TRPM1: variants seen among roughly 807,000 people sequenced by gnomAD.
The protein encoded by TRPM1 is TRPM1-203 APA Isoform, Intron 10.
TRPM1 carries 113 observed loss-of-function variants against 149.4 expected under a neutral mutation model. The observed-to-expected ratio is 0.76, with a 90% CI of 0.65 to 0.88. The LOEUF (loss-of-function observed/expected upper bound fraction) is 0.88. Among genes scored for constraint, TRPM1 ranks in the 40% least tolerant of loss-of-function variants. The pLI is 0.00. For synonymous variants in TRPM1, 741 were observed against 759.5 expected, an observed-to-expected ratio of 0.98 and a Z score of 0.40; for missense variants, 1,976 against 2,038.7, an observed-to-expected ratio of 0.97 and a Z score of 0.59.
At chr15:31,113,208 C>T (rs973178728) in intron 1 of TRPM1, among the ~76,000 whole-genome samples, 1 of 152,134 alleles carries the variant, frequency 6.6e-6, no homozygotes, top group Non-Finnish European at 1.5e-5. Flanking sequence ...AATGGTAACT[C>T]ACAGGAGTGA....
intron 27 of TRPM1, among the ~76,000 whole-genome samples, chr15:31,011,102 T>C (rs1344696729): frequency 2.0e-5 from 3 of 152,188 alleles, no homozygotes; most frequent in Non-Finnish European, 4.4e-5. Flanking sequence ...ACTCCAACTA[T>C]TTTTTTATTA....
chr15:31,002,310 A>T lies in TRPM1; in HGVS notation c.4390T>A (p.Tyr1464Asn). ...CCGACCAGCTTTCTTCCCCGGGAAT[A>T]GACGAAGCTTCTGGACTTCATTGTT... ...CKTMKSRSFV[Y>N]SRGRKLVGGV... Residue 1464 changes from tyrosine to asparagine, a missense_variant, in exon 28 of 28, where the codon TAT becomes AAT. Tyr to Asn is a moderately radical substitution (Grantham distance 143, BLOSUM62 -2). Coordinates refer to ENST00000256552, the MANE Select transcript of TRPM1 (RefSeq NM_001252024.2). 6.2e-7 allele frequency: 1 copy of T among 1,614,238 alleles called. No individual in the cohort carries two copies. The highest frequency in any genetic ancestry group is 8.5e-7 in the Non-Finnish European group (1 of 1,180,046).
rs1205403515 is a variant in TRPM1, at chr15:31,028,394, G to A, written c.3231C>T (p.Leu1077=). 1.9e-6 allele frequency: 3 copies of A among 1,614,058 alleles called. No homozygotes were observed. Among genetic ancestry groups the A allele is most frequent in the Admixed American group, 3.3e-5 (2 of 59,996 alleles). ...CIPGAWLTPA[L]MACYLLVANI... is the part of the protein sequence containing the mutation. ...TGGCGACCAGTAGATAGCACGCCAT[G>A]AGTGCTGGAGTGAGCCAGGCGCCGG... The change falls in exon 25 of 28, where the codon CTC becomes CTT. Residue 1077 remains leucine, a synonymous_variant. Coordinates refer to ENST00000256552, the MANE Select transcript of TRPM1 (RefSeq NM_001252024.2).
At chr15:31,137,048 C>A (rs1393515276) in intron 1 of TRPM1, among the ~76,000 whole-genome samples, 1 of 152,186 alleles carries the variant, frequency 6.6e-6, no homozygotes, top group Admixed American at 6.5e-5. Flanking sequence ...GTTCTGCTCT[C>A]TTTTGCATTA....
rs373868912 is a variant in TRPM1 at position 31,026,292 on chromosome 15, C to T, written c.3497-21G>A. ...GAGCTCTGTGTGAAGGGAGAAGTGT[C>T]GGCCACGTGAAAAACAAGAAGAATC... On this transcript the variant is annotated intron_variant, in intron 26 of 27. Transcript: ENST00000256552. The T allele has an allele frequency of 3.7e-5, 60 of 1,607,448 alleles. No homozygotes were observed. In the African/African-American group the frequency reaches 6.7e-4, roughly 18 times the overall value.
In TRPM1 at chr15:31,099,076, T is replaced by C. The variant is rs139443330; in HGVS notation, c.-84+2581A>G. 2.9e-3 allele frequency among the ~76,000 whole-genome samples: 443 copies of C among 152,318 alleles called. 2 individuals carry two copies. The highest frequency in any genetic ancestry group is 0.01 in the African/African-American group (417 of 41,566). ...TACAAGAGGCTGGGAAAATTGCTCCTGGCGCGATGGGCATCTGAGGTAACA... is the reference window on the plus strand; with the variant it reads ...TACAAGAGGCTGGGAAAATTGCTCCCGGCGCGATGGGCATCTGAGGTAACA... On this transcript the variant is annotated intron_variant, in intron 1 of 27. Coordinates refer to ENST00000256552, the MANE Select transcript of TRPM1 (RefSeq NM_001252024.2).
chr15:31,113,869 G>A lies in TRPM1; in HGVS notation c.55-36885C>T, dbSNP rs960940059. 2.4e-4 allele frequency among the ~76,000 whole-genome samples: 37 copies of A among 152,226 alleles called. 1 individual carries two copies. Among genetic ancestry groups the A allele is most frequent in the East Asian group, 1.9e-4 (1 of 5,174 alleles). ...CAACGACGCTCCCACACGCTGGAAG[G>A]GTACCGAGCAAATTGACTTTGCTGG... is the stretch of plus-strand genomic sequence containing the variant. On this transcript the variant is annotated intron_variant, in intron 1 of 26. Coordinates refer to the TRPM1 transcript ENST00000542188.
At chr15:31,109,623 C>A (rs1322256827) in intron 1 of TRPM1, among the ~76,000 whole-genome samples, 11 of 150,654 alleles carry the variant, frequency 7.3e-5, no homozygotes, top group South Asian at 2.1e-4. Flanking sequence ...TCTCTTGAAC[C>A]TGGGAGGCAA....
chr15:31,025,905 G>A (rs2032715928), intron 27 of TRPM1, among the ~76,000 whole-genome samples: 1 of 152,218 alleles, frequency 6.6e-6, no homozygotes, highest in Non-Finnish European at 1.5e-5. Flanking sequence ...TCAACTGTTA[G>A]GTTTTCTTTC....
Position 31,067,979 on chromosome 15 carries a change from G to T in TRPM1, c.393C>A (p.Asn131Lys), listed in dbSNP as rs1386257022. The change falls in exon 5 of 28, where the codon AAC becomes AAA. Residue 131 changes from asparagine to lysine, a missense_variant. By Grantham distance (94) the Asn-to-Lys change is moderately conservative (BLOSUM62 0). Coordinates refer to ENST00000256552, the MANE Select transcript of TRPM1 (RefSeq NM_001252024.2). ...GTTTCAGCTTGGGCTGCATCTCAAA[G>T]TTCTGGAGGCCTCCATGCACAGATA... ...LLISVHGGLQNFEMQPKLKQV... is the reference protein window; with the variant it reads ...LLISVHGGLQKFEMQPKLKQV... 1 of 1,614,104 alleles carries T rather than the reference G, an allele frequency of 6.2e-7. No homozygotes were observed. Among genetic ancestry groups the T allele is most frequent in the African/African-American group, 1.3e-5 (1 of 74,932 alleles).
At chr15:31,121,994 A>G (rs538225674) in intron 1 of TRPM1, among the ~76,000 whole-genome samples, 1 of 152,326 alleles carries the variant, frequency 6.6e-6, no homozygotes, top group East Asian at 1.9e-4. Flanking sequence ...ACCATGACCA[A>G]ATTAGATTTA....
chr15:31,053,641 T>G (rs8041204), intron 11 of TRPM1, among the ~76,000 whole-genome samples: 92,718 of 152,036 alleles, frequency 0.61, 30,419 homozygotes, highest in East Asian at 0.95. Flanking sequence ...CTGTGCACTG[T>G]GGGTGGAAAT....
chr15:31,124,307 A>AATAT, intron 1 of TRPM1, among the ~76,000 whole-genome samples: 1 of 152,132 alleles, frequency 6.6e-6, no homozygotes, highest in East Asian at 1.9e-4. Flanking sequence ...TAAATAAATA[A>AATAT]GCCATCAGGC....
chr15:31,126,799 A>G (rs1409511859), intron 1 of TRPM1, among the ~76,000 whole-genome samples: 2 of 152,148 alleles, frequency 1.3e-5, no homozygotes, highest in Non-Finnish European at 2.9e-5. Context: ...CCCCGTCTCT[A>G]CTAAAGGAAA....
chr15:31,081,412 G>A lies in TRPM1; in HGVS notation c.-57C>T, dbSNP rs1316110881. 25 of 1,534,854 alleles carry A rather than the reference G, an allele frequency of 1.6e-5. No individual in the cohort carries two copies. The South Asian group carries it at 2.5e-4, about 15-fold the overall frequency. On this transcript the variant is annotated 5_prime_UTR_variant, in exon 2 of 28. Coordinates refer to ENST00000256552, the MANE Select transcript of TRPM1 (RefSeq NM_001252024.2). ...CCTCAGTCCAGCACTGCAAGTTACT[G>A]CTGAGTCCTCAGAAATCTTCTAGAA...
At chr15:31,021,923 A>G (rs990645774) in intron 27 of TRPM1, among the ~76,000 whole-genome samples, 2 of 152,200 alleles carry the variant, frequency 1.3e-5, no homozygotes, top group African/African-American at 4.8e-5. Context: ...AATAAAATGT[A>G]TGTAAATGGA....
At chr15:31,023,034 A>G (rs529666590) in intron 27 of TRPM1, among the ~76,000 whole-genome samples, 17 of 152,184 alleles carry the variant, frequency 1.1e-4, no homozygotes, top group Non-Finnish European at 1.9e-4. Context: ...ACAAAAACAA[A>G]AACAGAAACA....
chr15:31,033,118 G>C (rs954903788), intron 21 of TRPM1, 178 bp from the exon 22 acceptor site: 8 of 796,314 alleles, frequency 1.0e-5, no homozygotes, highest in Non-Finnish European at 1.6e-5. Flanking sequence ...GAAATTCCAC[G>C]GAATCCTCCC....
chr15:31,067,686 T>C (rs866783571), intron 5 of TRPM1, among the ~76,000 whole-genome samples, 193 bp downstream of exon 5: 19 of 152,144 alleles, frequency 1.2e-4, no homozygotes, highest in Middle Eastern at 3.2e-3. Context: ...ATCATTACTA[T>C]ATTTGCTGTT....
Sources: allele counts gnomAD v4.1 joint callset (sites outside exome capture counted in the v4.1 genomes callset), GRCh38; gene constraint gnomAD v4.1.1; transcripts MANE v1.5; gene names NCBI Gene and HGNC (gene_info 2026-07-23, HGNC 2026-07-21).